The following SKAP2 variants were observed in gnomAD, a reference collection of about 807,000 sequenced individuals.
The protein encoded by SKAP2 is src kinase associated phosphoprotein 2, also known as src kinase-associated phosphoprotein 2.
Under a neutral mutation model 54.9 loss-of-function variants are expected in SKAP2, and 28 were observed. The observed-to-expected ratio is 0.51, with a 90% CI of 0.38 to 0.70. SKAP2 has a LOEUF of 0.70. Ranked by LOEUF, SKAP2 falls within the 30% of genes least tolerant of loss-of-function variation. SKAP2 has a pLI of 0.00. For missense variants in SKAP2, 356 were observed against 424.1 expected, an observed-to-expected ratio of 0.84 and a Z score of 1.41; for synonymous variants, 137 against 134.3, an observed-to-expected ratio of 1.02 and a Z score of -0.14.
At chr7:26,832,060 T>C (rs1232109234) in intron 4 of SKAP2, among the ~76,000 whole-genome samples, 2 of 152,196 alleles carry the variant, frequency 1.3e-5, no homozygotes, top group East Asian at 3.9e-4. Context: ...TACTAAATTC[T>C]AGTTCAAACT....
intron 4 of SKAP2, among the ~76,000 whole-genome samples, chr7:26,756,083 A>G (rs1331787015): frequency 1.3e-5 from 2 of 152,220 alleles, no homozygotes; most frequent in Admixed American, 1.3e-4. Flanking sequence ...ATTAATATGG[A>G]AAGATATATA....
chr7:26,818,901 T>G (rs530531314), intron 4 of SKAP2, among the ~76,000 whole-genome samples: 1 of 152,230 alleles, frequency 6.6e-6, no homozygotes, highest in African/African-American at 2.4e-5. Context: ...AGAATGGTGA[T>G]AATTAAAAAG....
chr7:26,849,297 A>AT (rs1341818836), intron 3 of SKAP2, among the ~76,000 whole-genome samples: 7 of 151,588 alleles, frequency 4.6e-5, no homozygotes, highest in East Asian at 1.9e-4. Context: ...GGCAAAATCT[A>AT]TTTTTTTTTA....
chr7:26,777,804 A>C (rs1783344402), intron 4 of SKAP2, among the ~76,000 whole-genome samples: 1 of 152,128 alleles, frequency 6.6e-6, no homozygotes, highest in African/African-American at 2.4e-5. Context: ...AAAGACAGGC[A>C]TGAATGGTAT....
At chr7:26,695,817 C>T (rs961554559) in intron 9 of SKAP2, among the ~76,000 whole-genome samples, 1 of 152,202 alleles carries the variant, frequency 6.6e-6, no homozygotes, top group Non-Finnish European at 1.5e-5. Context: ...TTAACACACT[C>T]CTCTGTTCCT....
At chr7:26,803,667 T>G (rs894010017) in intron 4 of SKAP2, among the ~76,000 whole-genome samples, 1 of 152,186 alleles carries the variant, frequency 6.6e-6, no homozygotes, top group South Asian at 2.1e-4. Flanking sequence ...ATATCTGCAC[T>G]CCTACGTTTG....
chr7:26,699,873 C>T (rs1367197670), intron 9 of SKAP2, among the ~76,000 whole-genome samples: 3 of 152,092 alleles, frequency 2.0e-5, no homozygotes, highest in East Asian at 1.9e-4. Flanking sequence ...ATTTTATGTT[C>T]CCAAAGCACA....
At chr7:26,801,658 G>T (rs1343239525) in intron 4 of SKAP2, among the ~76,000 whole-genome samples, 1 of 152,142 alleles carries the variant, frequency 6.6e-6, no homozygotes, top group Non-Finnish European at 1.5e-5. Context: ...ATTCAGTAAA[G>T]CTGCAGGATA....
downstream of SKAP2, chr7:26,666,987 C>T (rs1229056303): frequency 3.3e-5 from 5 of 152,176 alleles, no homozygotes; most frequent in Non-Finnish European, 5.9e-5. Flanking sequence ...CTACAATCAA[C>T]ACACTATTTT....
At chr7:26,778,546 T>C (rs1024687103) in intron 4 of SKAP2, among the ~76,000 whole-genome samples, 1 of 152,040 alleles carries the variant, frequency 6.6e-6, no homozygotes, top group Non-Finnish European at 1.5e-5. Flanking sequence ...TTCTTCACTA[T>C]ATTAATCTGT....
At chr7:26,792,324 T>G (rs1783687997) in intron 4 of SKAP2, among the ~76,000 whole-genome samples, 1 of 152,192 alleles carries the variant, frequency 6.6e-6, no homozygotes, top group Non-Finnish European at 1.5e-5. Context: ...TGTTCACTTT[T>G]AAAGGATGAA....
intron 4 of SKAP2, among the ~76,000 whole-genome samples, chr7:26,800,031 G>A (rs1488783088): frequency 6.6e-6 from 1 of 152,090 alleles, no homozygotes; most frequent in Non-Finnish European, 1.5e-5. Flanking sequence ...GGCTGAGGCA[G>A]GAGAATGGCA....
Position 26,690,186 on chromosome 7 carries a change from G to A in SKAP2, c.874+99C>T. ...ATCCAAGCCAAAAATGCCAACTTTG[G>A]GGAGCTGTGTAAACATCTTTAGAAC... On this transcript the variant is annotated intron_variant, in intron 10 of 12. Coordinates refer to ENST00000345317, the MANE Select transcript of SKAP2 (RefSeq NM_003930.5). 3.5e-6 allele frequency: 3 copies of A among 864,180 alleles called. No individual in the cohort carries two copies. The Admixed American group carries it at 6.3e-5, about 18-fold the overall frequency. 53.5% of individuals were successfully genotyped at this position (864,180 alleles called of 1,614,324 possible).
At chr7:26,714,992 G>C (rs867077220) in intron 9 of SKAP2, among the ~76,000 whole-genome samples, 30 of 152,160 alleles carry the variant, frequency 2.0e-4, no homozygotes, top group Middle Eastern at 3.4e-3. Flanking sequence ...AGATTTCTTG[G>C]TGGCAAAGGA....
At chr7:26,830,361 A>G (rs1784573128) in intron 4 of SKAP2, among the ~76,000 whole-genome samples, 1 of 152,176 alleles carries the variant, frequency 6.6e-6, no homozygotes. Context: ...GACCATATTA[A>G]AAACCACCTG....
intron 4 of SKAP2, among the ~76,000 whole-genome samples, chr7:26,819,682 T>G (rs1177164094): frequency 6.6e-6 from 1 of 152,186 alleles, no homozygotes; most frequent in South Asian, 2.1e-4. Flanking sequence ...TGCCTTCAGT[T>G]GTTAAAAGAC....
chr7:26,754,997 G>C lies in SKAP2; in HGVS notation c.308-15033C>G, dbSNP rs1034201808. On this transcript the variant is annotated intron_variant, in intron 4 of 12. Coordinates refer to ENST00000345317, the MANE Select transcript of SKAP2 (RefSeq NM_003930.5). ...AGTTATTCCTAGTCAATTTAGATAT[G>C]GTAAGATCTTATAATAAGATATCCT... is the stretch of plus-strand genomic sequence containing the variant. Among the ~76,000 whole-genome samples, 5 of 152,108 alleles carry C rather than the reference G, an allele frequency of 3.3e-5. No homozygotes were observed. In the East Asian group the frequency reaches 7.7e-4, roughly 23 times the overall value.
intron 4 of SKAP2, among the ~76,000 whole-genome samples, chr7:26,787,503 T>C (rs1035931346): frequency 2.0e-5 from 3 of 152,028 alleles, no homozygotes; most frequent in Admixed American, 2.0e-4. Flanking sequence ...TTTGTATTTT[T>C]AGTGGAGATG....
intron 1 of SKAP2, 61 bp downstream of exon 1, chr7:26,864,302 C>T (rs1264200064): frequency 6.2e-7 from 1 of 1,605,980 alleles, no homozygotes; most frequent in South Asian, 1.1e-5. Context: ...TCTGTCCCCA[C>T]CGGCTCACCG....
Sources: allele counts gnomAD v4.1 joint callset (sites outside exome capture counted in the v4.1 genomes callset), GRCh38; gene constraint gnomAD v4.1.1; transcripts MANE v1.5; gene names NCBI Gene and HGNC (gene_info 2026-07-23, HGNC 2026-07-21).